PPARGC1B: variants seen among roughly 807,000 people sequenced by gnomAD.
PPARGC1B encodes PPARG coactivator 1 beta.
PPARGC1B carries 34 observed loss-of-function variants against 101.6 expected under a neutral mutation model. The ratio of observed to expected loss-of-function variants is 0.33; its 90% CI spans 0.25 to 0.45. The LOEUF is 0.45. Among genes scored for constraint, PPARGC1B ranks in the 20% least tolerant of loss-of-function variants. The pLI is 1.00. For missense variants in PPARGC1B, 1,234 were observed against 1,317.6 expected (o/e 0.94, Z 0.98); for synonymous variants, 548 against 539.3 (o/e 1.02, Z -0.22).
At chr5:149,768,740 T>G (rs937431012) in intron 1 of PPARGC1B, among the ~76,000 whole-genome samples, 1 of 152,000 alleles carries the variant, frequency 6.6e-6, no homozygotes, top group African/African-American at 2.4e-5. Flanking sequence ...GGTATCAAAC[T>G]CCTGACCTCA....
chr5:149,838,931 G>A (rs1759221306), intron 8 of PPARGC1B, among the ~76,000 whole-genome samples: 1 of 152,194 alleles, frequency 6.6e-6, no homozygotes, highest in Admixed American at 6.5e-5. Flanking sequence ...ATACCTTCCA[G>A]GCACTCTCAG....
At chr5:149,782,895 AG>A (rs1756644969) in intron 1 of PPARGC1B, among the ~76,000 whole-genome samples, 1 of 152,104 alleles carries the variant, frequency 6.6e-6, no homozygotes, top group African/African-American at 2.4e-5. Flanking sequence ...TGGGCCTCTG[AG>A]GGGCTGCCAA....
chr5:149,808,707 C>G (rs184019671), intron 1 of PPARGC1B, among the ~76,000 whole-genome samples: 1 of 152,146 alleles, frequency 6.6e-6, no homozygotes, highest in Admixed American at 6.5e-5. Flanking sequence ...TTTTTGTACA[C>G]GGTCCTATAC....
At chr5:149,779,124 C>T (rs183675628) in intron 1 of PPARGC1B, among the ~76,000 whole-genome samples, 2 of 152,304 alleles carry the variant, frequency 1.3e-5, no homozygotes, top group East Asian at 1.9e-4. Context: ...GATCTGACCC[C>T]AGCCAGACTC....
At chr5:149,777,826 C>CACACACAG (rs1305577059) in intron 1 of PPARGC1B, among the ~76,000 whole-genome samples, 5 of 115,814 alleles carry the variant, frequency 4.3e-5, no homozygotes, top group African/African-American at 1.3e-4. Flanking sequence ...CACACACACA[C>CACACACAG]AGTATCCGGC....
intron 1 of PPARGC1B, among the ~76,000 whole-genome samples, chr5:149,786,376 A>G (rs1756807984): frequency 2.0e-5 from 3 of 152,046 alleles, no homozygotes; most frequent in Middle Eastern, 3.2e-3. Flanking sequence ...GATTACAGGC[A>G]TGAGCCACCG....
intron 1 of PPARGC1B, among the ~76,000 whole-genome samples, chr5:149,762,126 G>T (rs986671484): frequency 6.6e-6 from 1 of 151,600 alleles, no homozygotes; most frequent in African/African-American, 2.4e-5. Flanking sequence ...AGGGAGGCAG[G>T]TGGGTGACTT....
At chr5:149,800,337 T>C (rs992976625) in intron 1 of PPARGC1B, among the ~76,000 whole-genome samples, 12 of 152,126 alleles carry the variant, frequency 7.9e-5, no homozygotes, top group Admixed American at 2.6e-4. Flanking sequence ...TGCGAAAACA[T>C]TGGTGGTCAT....
At chr5:149,736,037 T>C (rs1754695116) in intron 1 of PPARGC1B, among the ~76,000 whole-genome samples, 1 of 152,082 alleles carries the variant, frequency 6.6e-6, no homozygotes, top group African/African-American at 2.4e-5. Flanking sequence ...GGCCAGAGAA[T>C]TGCTTGAACC....
chr5:149,753,435 T>C (rs1317437827), intron 1 of PPARGC1B, among the ~76,000 whole-genome samples: 1 of 152,186 alleles, frequency 6.6e-6, no homozygotes, highest in Non-Finnish European at 1.5e-5. Context: ...CTCAAACTCC[T>C]GACCTCAAGT....
At chr5:149,750,456 ATATATATATATAT>A (rs1561851661) in intron 1 of PPARGC1B, among the ~76,000 whole-genome samples, 22 of 4,366 alleles carry the variant, frequency 5.0e-3, no homozygotes, top group African/African-American at 0.015. Flanking sequence ...TAGTTAAAAT[ATATATATATATAT>A]ATATATATAT....
At position 149,837,424 on chromosome 5, in the gene PPARGC1B, A is replaced by C. The variant is rs10783180; in HGVS notation, c.2618+351A>C. Among the ~76,000 whole-genome samples the C allele has an allele frequency of 4.6e-5, 7 of 152,170 alleles. No individual in the cohort carries two copies. Among genetic ancestry groups the C allele is most frequent in the Non-Finnish European group, 8.8e-5 (6 of 68,032 alleles). On this transcript the variant is annotated intron_variant, in intron 8 of 11. Coordinates refer to ENST00000309241, the MANE Select transcript of PPARGC1B (RefSeq NM_133263.4). The surrounding 1 kb of genome is among the most constrained non-coding windows in gnomAD (Gnocchi z 4.2). ...TGCTTTTATGTTTGTAAAATGGATA[A>C]GTTTTTGTGCAAACATACCTGCCCC... is the stretch of plus-strand genomic sequence containing the variant.
Position 149,832,540 on chromosome 5 carries a change from TG to T in PPARGC1B, c.583-114del. On this transcript the variant is annotated intron_variant, in intron 4 of 11. Transcript: ENST00000309241. This position sits in a 1 kb window ranked among gnomAD's most constrained non-coding sequence, Gnocchi z 4.9. ...AGCTGGGGACGGAATGAAGGAAACC[TG>T]GCTGTTCCTATGATCCAGGTGAGAC... The T allele has an allele frequency of 1.2e-6, 1 of 838,648 alleles. No homozygotes were observed. The highest frequency in any genetic ancestry group is 1.8e-6 in the Non-Finnish European group (1 of 544,528). 52.0% of individuals were successfully genotyped at this position (838,648 alleles called of 1,614,324 possible).
At chr5:149,752,741 A>G (rs1358419887) in intron 1 of PPARGC1B, among the ~76,000 whole-genome samples, 1 of 152,198 alleles carries the variant, frequency 6.6e-6, no homozygotes, top group African/African-American at 2.4e-5. Flanking sequence ...AGGCAGGAGA[A>G]TCGCTTGAAC....
chr5:149,799,690 G>A lies in PPARGC1B; in HGVS notation c.79-20743G>A, dbSNP rs866830326. ...TTTTTTGTTTGTTTGTTTGCTTGTT[G>A]TTGTTTTTTTTTTTTTTTTTTTTTG... is the stretch of plus-strand genomic sequence containing the variant. On this transcript the variant is annotated intron_variant, in intron 1 of 11. Transcript: ENST00000309241. Among the ~76,000 whole-genome samples, 49 of 65,072 alleles carry A rather than the reference G, an allele frequency of 7.5e-4. 2 individuals are homozygous for A. In the South Asian group the frequency reaches 0.027, roughly 36 times the overall value. The allele number at this position is 65,072 out of a possible 152,430, so 42.7% of individuals were successfully genotyped here.
At chr5:149,828,217 A>T (rs1758603981) in intron 3 of PPARGC1B, among the ~76,000 whole-genome samples, 2 of 152,206 alleles carry the variant, frequency 1.3e-5, no homozygotes, top group Admixed American at 1.3e-4. Flanking sequence ...CATGCCAGGC[A>T]CAGAATATGT....
At chr5:149,748,472 G>A (rs941079777) in intron 1 of PPARGC1B, among the ~76,000 whole-genome samples, 4 of 152,108 alleles carry the variant, frequency 2.6e-5, no homozygotes, top group African/African-American at 9.7e-5. Context: ...TTTAGTGGAG[G>A]AAGCCGTGCA....
At position 149,801,949 on chromosome 5, in the gene PPARGC1B, G is replaced by A. The variant is rs192700601; in HGVS notation, c.79-18484G>A. ...CTAGACACTATGTGAAGCCCTTCTC[G>A]TTAATCCTCATAAGAACCCTAAGCA... On this transcript the variant is annotated intron_variant, in intron 1 of 11. Coordinates refer to ENST00000309241, the MANE Select transcript of PPARGC1B (RefSeq NM_133263.4). 2.9e-4 allele frequency among the ~76,000 whole-genome samples: 44 copies of A among 152,282 alleles called. No homozygotes were observed. In the East Asian group the frequency reaches 3.3e-3, roughly 11 times the overall value.
At chr5:149,839,988 C>G in intron 8 of PPARGC1B, 53 bp from the exon 9 acceptor site, 2 of 1,573,790 alleles carry the variant, frequency 1.3e-6, no homozygotes, top group Non-Finnish European at 1.7e-6. Flanking sequence ...CCGCCCCCAC[C>G]CCCATGGTAT....
Sources: allele counts gnomAD v4.1 joint callset (sites outside exome capture counted in the v4.1 genomes callset), GRCh38; gene constraint gnomAD v4.1.1; non-coding constraint Gnocchi (gnomAD v3.1); transcripts MANE v1.5; gene names NCBI Gene and HGNC (gene_info 2026-07-23, HGNC 2026-07-21).